The following CGNL1 variants were observed in gnomAD, a reference collection of about 807,000 sequenced individuals.
CGNL1 encodes the protein cingulin like 1, also known as cingulin-like protein 1.
A neutral mutation model predicts 141.2 loss-of-function variants in CGNL1; 132 were observed. The observed-to-expected ratio is 0.93, with a 90% CI of 0.81 to 1.08. The LOEUF (loss-of-function observed/expected upper bound fraction) is 1.08. CGNL1 is among the 50% of genes least tolerant of loss of function. The pLI is 0.00. For synonymous variants in CGNL1, 690 were observed against 622.1 expected (o/e 1.11, Z -1.63); for missense variants, 1,870 against 1,588.6 (o/e 1.18, Z -3.01).
intron 1 of CGNL1, among the ~76,000 whole-genome samples, chr15:57,410,471 T>C (rs2062773967): frequency 6.6e-6 from 1 of 152,132 alleles, no homozygotes; most frequent in Non-Finnish European, 1.5e-5. Context: ...ATCTCTCCTC[T>C]CTTCTATTCC....
intron 1 of CGNL1, among the ~76,000 whole-genome samples, chr15:57,433,516 C>T (rs1394129952): frequency 6.6e-6 from 1 of 152,224 alleles, no homozygotes; most frequent in Non-Finnish European, 1.5e-5. Flanking sequence ...AAAGTGCCCA[C>T]ATTGCTGAAA....
At chr15:57,409,832 A>G (rs1049933113) in intron 1 of CGNL1, among the ~76,000 whole-genome samples, 1 of 152,240 alleles carries the variant, frequency 6.6e-6, no homozygotes, top group Non-Finnish European at 1.5e-5. Context: ...CCAGAAAAAA[A>G]TAGAGAAATA....
chr15:57,491,752 C>G (rs2922224), intron 8 of CGNL1, among the ~76,000 whole-genome samples: 73,599 of 151,978 alleles, frequency 0.48, 18,369 homozygotes, highest in South Asian at 0.61. Context: ...CCTACTCTCT[C>G]TACTTTAGAG....
At chr15:57,494,222 T>C (rs1280368) in intron 8 of CGNL1, among the ~76,000 whole-genome samples, 146,862 of 152,310 alleles carry the variant, frequency 0.96, 70,995 homozygotes, top group Non-Finnish European at 1. Flanking sequence ...ATTCTCAAGG[T>C]ATAGCCATCA....
intron 1 of CGNL1, among the ~76,000 whole-genome samples, chr15:57,418,077 C>T (rs999190072): frequency 5.9e-5 from 9 of 151,940 alleles, no homozygotes; most frequent in African/African-American, 9.7e-5. Flanking sequence ...ACCTAAGTGG[C>T]GGGTTAAGGG....
intron 14 of CGNL1, among the ~76,000 whole-genome samples, chr15:57,540,446 C>A (rs1417407458): frequency 6.6e-6 from 1 of 152,180 alleles, no homozygotes; most frequent in Non-Finnish European, 1.5e-5. Context: ...GTCACAAGAA[C>A]AGCATGGGAA....
At position 57,547,731 on chromosome 15, in the gene CGNL1, G is replaced by A. The variant is rs556862985; in HGVS notation, c.*241G>A. ...ACCAGGAGCCACCACCCACTGGGGTGTTGTGAGAGATACACTTTGGTAGGC... is the reference window on the plus strand; with the variant it reads ...ACCAGGAGCCACCACCCACTGGGGTATTGTGAGAGATACACTTTGGTAGGC... On this transcript the variant is annotated 3_prime_UTR_variant, in exon 19 of 19. Transcript: ENST00000281282. The A allele has an allele frequency of 9.6e-5, 46 of 478,942 alleles. No individual in the cohort carries two copies. The highest frequency in any genetic ancestry group is 7.1e-4 in the African/African-American group (36 of 50,968). 29.7% of individuals were successfully genotyped at this position (478,942 alleles called of 1,614,324 possible).
At chr15:57,419,000 T>A (rs112915817) in intron 1 of CGNL1, among the ~76,000 whole-genome samples, 1 of 151,896 alleles carries the variant, frequency 6.6e-6, no homozygotes, top group African/African-American at 2.4e-5. Flanking sequence ...CAATCTCGGC[T>A]CACTGCAACC....
chr15:57,504,019 T>G (rs780834411), intron 8 of CGNL1, among the ~76,000 whole-genome samples: 13 of 152,130 alleles, frequency 8.5e-5, no homozygotes, highest in Non-Finnish European at 1.6e-4. Context: ...CGTGGCATTG[T>G]GCTGAGTACG....
intron 8 of CGNL1, among the ~76,000 whole-genome samples, chr15:57,505,094 T>C (rs1396557958): frequency 6.6e-6 from 1 of 152,072 alleles, no homozygotes; most frequent in Non-Finnish European, 1.5e-5. Context: ...GCCAACAGCA[T>C]GGCTGGGAAA....
chr15:57,412,723 C>G (rs1180467168), intron 1 of CGNL1, among the ~76,000 whole-genome samples: 6 of 152,192 alleles, frequency 3.9e-5, no homozygotes, highest in African/African-American at 1.4e-4. Flanking sequence ...GTTGTTCTAA[C>G]CTTTGGAGCC....
chr15:57,411,447 CTT>C (rs112940511), intron 1 of CGNL1, among the ~76,000 whole-genome samples: 9 of 142,080 alleles, frequency 6.3e-5, no homozygotes, highest in Admixed American at 1.4e-4. Flanking sequence ...TTTTCTTTTT[CTT>C]TTTTTTTTTT....
intron 1 of CGNL1, among the ~76,000 whole-genome samples, chr15:57,418,828 G>A (rs1351541286): frequency 6.6e-6 from 1 of 152,174 alleles, no homozygotes; most frequent in Non-Finnish European, 1.5e-5. Context: ...GAGTTTCTCT[G>A]CGCTGGCCGT....
chr15:57,465,902 A>G (rs2063505767), intron 8 of CGNL1, among the ~76,000 whole-genome samples: 1 of 152,230 alleles, frequency 6.6e-6, no homozygotes, highest in Admixed American at 6.5e-5. Flanking sequence ...CGAATGTTGT[A>G]CAGGTATTCC....
chr15:57,513,169 C>T (rs1488603600), intron 8 of CGNL1, among the ~76,000 whole-genome samples: 3 of 151,886 alleles, frequency 2.0e-5, no homozygotes, highest in Admixed American at 2.0e-4. Context: ...CCTGTACCTC[C>T]CTGTAGCAGC....
chr15:57,438,240 A>G lies in CGNL1; in HGVS notation c.241A>G (p.Ile81Val). The G allele has an allele frequency of 6.2e-7, 1 of 1,614,180 alleles. No homozygotes were observed. Among genetic ancestry groups the G allele is most frequent in the Non-Finnish European group, 8.5e-7 (1 of 1,180,022 alleles). The stretch of plus-strand genomic sequence containing the variant: ...TGGGCCACCCTTTCCACCTCCAGTG[A>G]TAAATAACCTGCCTCTACATTCCAG... Reference protein sequence around the residue: ...ENGPPFPPPVINNLPLHSSNG... With the variant: ...ENGPPFPPPVVNNLPLHSSNG... Residue 81 changes from isoleucine (I) to valine (V), a missense_variant, in exon 2 of 19, where the codon ATA becomes GTA. Physicochemically the swap from Ile to Val is conservative, Grantham distance 29. Coordinates refer to ENST00000281282, the MANE Select transcript of CGNL1 (RefSeq NM_032866.5).
At chr15:57,429,562 T>C (rs764473764) in intron 1 of CGNL1, among the ~76,000 whole-genome samples, 1 of 152,230 alleles carries the variant, frequency 6.6e-6, no homozygotes, top group African/African-American at 2.4e-5. Context: ...CATGACAGTA[T>C]GAAGATGTTC....
chr15:57,495,632 A>G (rs1371789994), intron 8 of CGNL1, among the ~76,000 whole-genome samples: 1 of 152,162 alleles, frequency 6.6e-6, no homozygotes, highest in East Asian at 1.9e-4. Context: ...TAGCCACTCT[A>G]CTGTTTTCAA....
chr15:57,425,679 T>G (rs1176086206), intron 1 of CGNL1, among the ~76,000 whole-genome samples: 1 of 147,652 alleles, frequency 6.8e-6, no homozygotes, highest in Admixed American at 6.9e-5. Context: ...AGATAGAGAT[T>G]GCAATGAGCT....
Sources: allele counts gnomAD v4.1 joint callset (sites outside exome capture counted in the v4.1 genomes callset), GRCh38; gene constraint gnomAD v4.1.1; transcripts MANE v1.5; gene names NCBI Gene and HGNC (gene_info 2026-07-23, HGNC 2026-07-21).